Variants in P2RY8 observed in about 807,000 individuals in gnomAD.
P2RY8 encodes S-geranylgeranyl-glutathione receptor P2RY8.
P2RY8 carries 6 observed loss-of-function variants against 10.0 expected under a neutral mutation model. That is an observed-to-expected ratio of 0.60 (90% confidence interval 0.33 to 1.19). The LOEUF is 1.19. Among genes scored for constraint, P2RY8 ranks in the 50% most tolerant of loss-of-function variants. The pLI is 0.04. For missense variants in P2RY8, 456 were observed against 542.0 expected (o/e 0.84, Z 1.58); for synonymous variants, 276 against 252.5 (o/e 1.09, Z -0.88).
rs191859512 is a variant in P2RY8, at chrX:1,466,720, C to T, written c.-24-138G>A. On this transcript the variant is annotated intron_variant, in intron 1 of 1. Transcript: ENST00000381297. ...GCAGGGCCTGCTGTCTCCTCCCTCC[C>T]TCCCTCCCTTAGTTCCTCCTTCCCT... 9.7e-4 allele frequency: 690 copies of T among 708,256 alleles called. 2 individuals are homozygous for T. The African/African-American group carries it at 0.011, about 11-fold the overall frequency. The allele number at this position is 708,256 out of a possible 1,614,324, so 43.9% of individuals were successfully genotyped here.
intron 1 of P2RY8, among the ~76,000 whole-genome samples, chrX:1,524,972 G>C (rs1213482551): frequency 3.3e-5 from 5 of 152,166 alleles, no homozygotes; most frequent in African/African-American, 1.2e-4. Context: ...GTGAGGGTCT[G>C]TGTCCATTCA....
intron 1 of P2RY8, among the ~76,000 whole-genome samples, chrX:1,501,251 G>T (rs1244531953): frequency 6.6e-6 from 1 of 152,172 alleles, no homozygotes; most frequent in Admixed American, 6.5e-5. Context: ...TTCAAGGGAC[G>T]TAAATATCAG....
intron 1 of P2RY8, among the ~76,000 whole-genome samples, chrX:1,509,800 TCTATCTA>T (rs1569538158): frequency 0.1 from 11,177 of 108,182 alleles, 819 homozygotes; most frequent in Middle Eastern, 0.18. Flanking sequence ...ATCCATCCTA[TCTATCTA>T]TCTATCTATC....
At chrX:1,494,920 G>T (rs1421452646) in intron 1 of P2RY8, among the ~76,000 whole-genome samples, 1 of 145,206 alleles carries the variant, frequency 6.9e-6, no homozygotes, top group Non-Finnish European at 1.5e-5. Context: ...GTTTCATCAT[G>T]TTGGTCAGGC....
chrX:1,517,907 G>A (rs866549346), intron 1 of P2RY8, among the ~76,000 whole-genome samples: 3 of 151,894 alleles, frequency 2.0e-5, no homozygotes, highest in Middle Eastern at 3.4e-3. Context: ...TCAGGAGTTC[G>A]AGACCAGCCT....
At chrX:1,502,757 CCTT>C (rs1157263558) in intron 1 of P2RY8, among the ~76,000 whole-genome samples, 7 of 152,132 alleles carry the variant, frequency 4.6e-5, no homozygotes, top group Non-Finnish European at 1.0e-4. Flanking sequence ...TGACAGGTGT[CCTT>C]CTAAGAGACA....
At chrX:1,481,029 G>A (rs1428512813) in intron 1 of P2RY8, among the ~76,000 whole-genome samples, 2 of 151,976 alleles carry the variant, frequency 1.3e-5, no homozygotes, top group African/African-American at 4.8e-5. Flanking sequence ...ATACCGCCGA[G>A]ACATGCCGGC....
Position 1,463,174 on chromosome X carries a change from T to C in P2RY8, c.*2305A>G, listed in dbSNP as rs1218516540. The C allele has an allele frequency of 3.0e-5, 7 of 233,096 alleles. No individual in the cohort carries two copies. Among genetic ancestry groups the C allele is most frequent in the Admixed American group, 1.7e-4 (3 of 17,758 alleles). 14.4% of individuals were successfully genotyped at this position (233,096 alleles called of 1,614,324 possible). ...GCTACTCTGAGGTTTTTCACAGTTT[T>C]TTTTCCCCCATGAGACACACCCAAG... On this transcript the variant is annotated 3_prime_UTR_variant, in exon 2 of 2. Coordinates refer to ENST00000381297, the MANE Select transcript of P2RY8 (RefSeq NM_178129.5).
At chrX:1,536,132 C>T (rs1173121699) in intron 1 of P2RY8, among the ~76,000 whole-genome samples, 3 of 152,114 alleles carry the variant, frequency 2.0e-5, no homozygotes, top group Non-Finnish European at 2.9e-5. Flanking sequence ...TCAAGGTCAT[C>T]GCCAAGGTCT....
intron 1 of P2RY8, among the ~76,000 whole-genome samples, chrX:1,488,807 C>G (rs2092012056): frequency 7.2e-6 from 1 of 138,332 alleles, no homozygotes. Context: ...TGAATGGGTG[C>G]ATGTATGAAT....
intron 1 of P2RY8, among the ~76,000 whole-genome samples, chrX:1,522,201 C>G (rs1180921748): frequency 4.6e-5 from 7 of 151,704 alleles, no homozygotes; most frequent in African/African-American, 1.7e-4. Flanking sequence ...GTGATCCACC[C>G]GCCTCAACCT....
In P2RY8 at chrX:1,466,544, G is replaced by GTCCGGGCCGGTGCTT; in HGVS notation, c.14_15insAAGCACCGGCCCGGA (p.Asn5delinsLysSerThrGlyProAsp). On this transcript the variant is annotated protein_altering_variant, in exon 2 of 2. Transcript: ENST00000381297. ...GCGTCGCGTTGTCCGGGCCGGTGCT[G>GTCCGGGCCGGTGCTT]TTCGGGACCTGCATCCTGGAGGGGT... 6.2e-7 allele frequency: 1 copy of GTCCGGGCCGGTGCTT among 1,606,740 alleles called. No individual in the cohort carries two copies. The highest frequency in any genetic ancestry group is 8.5e-7 in the Non-Finnish European group (1 of 1,178,696).
At position 1,465,453 on chromosome X, in the gene P2RY8, G is replaced by C. The variant is rs752553767; in HGVS notation, c.*26C>G. 2 of 1,573,996 alleles carry C rather than the reference G, an allele frequency of 1.3e-6. No homozygotes were observed. The highest frequency in any genetic ancestry group is 4.5e-5 in the East Asian group (2 of 44,502). On this transcript the variant is annotated 3_prime_UTR_variant, in exon 2 of 2. Transcript: ENST00000381297. ...CCCTGGATCTCCAAGCTGCGCCCCC[G>C]GCTCTCCAAGCTGCGCCCCCGGGAC... is the stretch of plus-strand genomic sequence containing the variant.
In P2RY8 at chrX:1,465,256, C is replaced by T; in HGVS notation, c.*223G>A. On this transcript the variant is annotated 3_prime_UTR_variant, in exon 2 of 2. Coordinates refer to ENST00000381297, the MANE Select transcript of P2RY8 (RefSeq NM_178129.5). ...AACAAGCACCCTGTGCGCTGCTGGGCTTTGCTTGTTTCTCTACCCTGAGTG... is the reference window on the plus strand; with the variant it reads ...AACAAGCACCCTGTGCGCTGCTGGGTTTTGCTTGTTTCTCTACCCTGAGTG... The T allele has an allele frequency of 1.5e-6, 1 of 688,068 alleles. No homozygotes were observed. Among genetic ancestry groups the T allele is most frequent in the Admixed American group, 3.2e-5 (1 of 31,566 alleles). 42.6% of individuals were successfully genotyped at this position (688,068 alleles called of 1,614,324 possible). A position where few individuals can be genotyped will look rare whatever the true frequency, so the allele number is the denominator to read the frequency against.
chrX:1,470,197 A>C (rs1259413363), intron 1 of P2RY8, among the ~76,000 whole-genome samples: 2 of 118,976 alleles, frequency 1.7e-5, no homozygotes, highest in Non-Finnish European at 3.4e-5. Flanking sequence ...TGTTGTTACT[A>C]AAATTAAACA....
chrX:1,496,771 C>T (rs1423773515), intron 1 of P2RY8, among the ~76,000 whole-genome samples: 4 of 128,488 alleles, frequency 3.1e-5, no homozygotes, highest in Non-Finnish European at 6.2e-5. Flanking sequence ...GATGTCGGCT[C>T]CCTGCAACCT....
chrX:1,521,234 G>C (rs1222232139), intron 1 of P2RY8, among the ~76,000 whole-genome samples: 1 of 151,804 alleles, frequency 6.6e-6, no homozygotes, highest in Non-Finnish European at 1.5e-5. Context: ...TTTTAGTAGA[G>C]ACGGAGTTTC....
chrX:1,507,524 C>T (rs774787754), intron 1 of P2RY8, among the ~76,000 whole-genome samples: 86 of 152,194 alleles, frequency 5.7e-4, no homozygotes, highest in African/African-American at 1.9e-3. Flanking sequence ...GACGGTGGTT[C>T]GGAGCTGGGG....
intron 1 of P2RY8, among the ~76,000 whole-genome samples, chrX:1,529,408 T>G (rs1304697001): frequency 6.6e-6 from 1 of 152,162 alleles, no homozygotes; most frequent in Non-Finnish European, 1.5e-5. Context: ...TTATCTTGCC[T>G]GCCTCTCACC....
Sources: gnomAD v4.1 joint callset for allele counts (sites outside exome capture counted in the v4.1 genomes callset) on GRCh38, gnomAD v4.1.1 for gene constraint, MANE v1.5 for transcripts, NCBI Gene and HGNC (gene_info 2026-07-23, HGNC 2026-07-21) for gene names.